The following CROCC variants were observed in gnomAD, a reference collection of about 807,000 sequenced individuals.
CROCC encodes the protein rootletin.
CROCC carries 180 observed loss-of-function variants against 245.2 expected under a neutral mutation model. That is an observed-to-expected ratio of 0.73 (90% CI 0.65 to 0.83). The LOEUF is 0.83. Among genes scored for constraint, CROCC ranks in the 40% least tolerant of loss-of-function variants. CROCC has a pLI of 0.00. For missense variants in CROCC, 2,688 were observed against 2,779.4 expected (o/e 0.97, Z 0.74); for synonymous variants, 1,205 against 1,241.6 (o/e 0.97, Z 0.62).
chr1:16,925,214 G>A (rs2075507247), intron 3 of CROCC, among the ~76,000 whole-genome samples: 1 of 152,280 alleles, frequency 6.6e-6, no homozygotes, highest in Non-Finnish European at 1.5e-5. Context: ...CAGAGTGTAT[G>A]TGTGCAGATG....
intron 35 of CROCC, chr1:16,971,079 T>G: frequency 2.3e-6 from 1 of 441,826 alleles, no homozygotes; most frequent in Non-Finnish European, 4.0e-6. Flanking sequence ...TGTCTAGGTA[T>G]TATGAATATG....
chr1:16,933,599 C>A (rs1414924805), intron 8 of CROCC, among the ~76,000 whole-genome samples: 3 of 152,102 alleles, frequency 2.0e-5, no homozygotes. Flanking sequence ...TGGAGTCTTG[C>A]TTTGTTGCCC....
chr1:16,932,006 A>G (rs2075688479), intron 8 of CROCC, among the ~76,000 whole-genome samples: 1 of 152,170 alleles, frequency 6.6e-6, no homozygotes, highest in South Asian at 2.1e-4. Context: ...AGCTCAAGCA[A>G]TCAGCCAGCC....
At chr1:16,931,786 C>T (rs2075682910) in intron 8 of CROCC, among the ~76,000 whole-genome samples, 1 of 152,030 alleles carries the variant, frequency 6.6e-6, no homozygotes, top group Non-Finnish European at 1.5e-5. Flanking sequence ...CAGACGGAGT[C>T]TTGCTCTGTC....
rs374706111 is a variant in CROCC, at chr1:16,946,410, G to A, written c.2283+5G>A. On this transcript the variant is annotated splice_donor_5th_base_variant and intron_variant, in intron 16 of 36. Transcript: ENST00000375541. The stretch of plus-strand genomic sequence containing the variant: ...CTGAACCGCCTTGTCGCCCAGGTAC[G>A]CTGTGCACCTGCGGGCCCACCTGCC... The A allele has an allele frequency of 6.2e-4, 1,003 of 1,609,374 alleles. No homozygotes were observed. Among genetic ancestry groups the A allele is most frequent in the African/African-American group, 2.5e-3 (184 of 74,920 alleles).
At chr1:16,927,116 C>T (rs2075551824) in intron 3 of CROCC, among the ~76,000 whole-genome samples, 1 of 152,248 alleles carries the variant, frequency 6.6e-6, no homozygotes, top group Non-Finnish European at 1.5e-5. Flanking sequence ...CACAGACACA[C>T]AGATGCACAA....
At chr1:16,934,842 C>CT (rs1217093510) in intron 8 of CROCC, among the ~76,000 whole-genome samples, 857 of 42,426 alleles carry the variant, frequency 0.02, 2 homozygotes, top group African/African-American at 0.056. Context: ...TCTTCTTCTT[C>CT]TTTTTTTTTT....
At chr1:16,938,300 G>C (rs1168911598) in intron 10 of CROCC, 100 bp from the exon 11 acceptor site, 1 of 1,176,228 alleles carries the variant, frequency 8.5e-7, no homozygotes, top group African/African-American at 1.5e-5. Context: ...CATGGCTTCA[G>C]AGGCCACCTG....
intron 21 of CROCC, 109 bp downstream of exon 21, chr1:16,953,590 C>T (rs77179827): frequency 0.18 from 195,468 of 1,058,478 alleles, 19,658 homozygotes; most frequent in African/African-American, 0.33. Context: ...GGCCACTGCC[C>T]TCTTGGGGGC....
intron 9 of CROCC, 128 bp downstream of exon 9, chr1:16,937,001 A>G (rs537066663): frequency 2.5e-5 from 26 of 1,029,906 alleles, no homozygotes; most frequent in Non-Finnish European, 3.5e-5. Context: ...CAGTCTTCCC[A>G]TGCACTGAGG....
chr1:16,926,491 G>C (rs1362760461), intron 3 of CROCC, among the ~76,000 whole-genome samples: 3 of 152,266 alleles, frequency 2.0e-5, no homozygotes, highest in Non-Finnish European at 4.4e-5. Context: ...GGCTGGGTTG[G>C]TGGGCAGTCA....
chr1:16,948,344 T>C lies in CROCC; in HGVS notation c.2528T>C (p.Leu843Pro). 6.4e-7 allele frequency: 1 copy of C among 1,572,278 alleles called. No individual in the cohort carries two copies. The highest frequency in any genetic ancestry group is 8.6e-7 in the Non-Finnish European group (1 of 1,163,634). Residue 843 changes from leucine (L) to proline (P), a missense_variant, in exon 18 of 37, where the codon CTG becomes CCG. Coordinates refer to ENST00000375541, the MANE Select transcript of CROCC (RefSeq NM_014675.5). ...QEQLAQLSRQLSGREQELEQA... is the reference protein window; with the variant it reads ...QEQLAQLSRQPSGREQELEQA... Reference sequence around the variant, plus strand: ...GGTGGGGGCCAGCTCTCCCGGCAGCTGAGCGGGCGGGAGCAGGAGCTGGAG... The same window carrying C: ...GGTGGGGGCCAGCTCTCCCGGCAGCCGAGCGGGCGGGAGCAGGAGCTGGAG...
chr1:16,931,142 C>A, intron 7 of CROCC, 149 bp from the exon 8 acceptor site: 2 of 649,428 alleles, frequency 3.1e-6, no homozygotes, highest in East Asian at 3.0e-5. Context: ...TGAGCATGGC[C>A]GCTGCAACAC....
At chr1:16,962,532 CTCAAAA>C (rs1396829368) in intron 27 of CROCC, among the ~76,000 whole-genome samples, 1 of 106,216 alleles carries the variant, frequency 9.4e-6, no homozygotes, top group African/African-American at 4.0e-5. Flanking sequence ...TAGACTCCGT[CTCAAAA>C]AAAAAAAAAA....
intron 25 of CROCC, among the ~76,000 whole-genome samples, chr1:16,958,331 T>A (rs2076279262): frequency 1.3e-5 from 2 of 152,214 alleles, no homozygotes; most frequent in Non-Finnish European, 2.9e-5. Context: ...GGCTGAGCCC[T>A]CCTTCTATTA....
At chr1:16,958,795 G>C in intron 26 of CROCC, 45 bp downstream of exon 26, 2 of 1,535,028 alleles carry the variant, frequency 1.3e-6, no homozygotes, top group Non-Finnish European at 1.8e-6. Context: ...CCTTCCCCCA[G>C]CAGGAAGCAG....
At chr1:16,925,337 A>G (rs1414257215) in intron 3 of CROCC, among the ~76,000 whole-genome samples, 6 of 152,392 alleles carry the variant, frequency 3.9e-5, no homozygotes, top group South Asian at 4.1e-4. Flanking sequence ...GGTCGGGACC[A>G]TTATGATGCC....
At chr1:16,924,121 T>C (rs1301336912) in intron 2 of CROCC, among the ~76,000 whole-genome samples, 3 of 152,402 alleles carry the variant, frequency 2.0e-5, no homozygotes, top group Non-Finnish European at 2.9e-5. Flanking sequence ...ACACTTTAGC[T>C]GGAGTTGTGT....
At chr1:16,960,064 C>G (rs559070212) in intron 26 of CROCC, among the ~76,000 whole-genome samples, 4 of 152,070 alleles carry the variant, frequency 2.6e-5, no homozygotes, top group African/African-American at 9.6e-5. Context: ...GCCAGGAGTT[C>G]GAGAGCAGTC....
Sources: allele counts gnomAD v4.1 joint callset (sites outside exome capture counted in the v4.1 genomes callset), GRCh38; gene constraint gnomAD v4.1.1; transcripts MANE v1.5; gene names NCBI Gene and HGNC (gene_info 2026-07-23, HGNC 2026-07-21).